LEPR: variants seen among roughly 807,000 people sequenced by gnomAD.
LEPR encodes the protein leptin receptor, also known as OB receptor.
A neutral mutation model predicts 114.7 loss-of-function variants in LEPR; 56 were observed. The observed-to-expected ratio is 0.49, with a 90% confidence interval of 0.39 to 0.61. The LOEUF (loss-of-function observed/expected upper bound fraction) is 0.61. Among genes scored for constraint, LEPR ranks in the 20% least tolerant of loss-of-function variants. The pLI, the probability that LEPR is intolerant of heterozygous loss-of-function variation, is 0.00. For missense variants in LEPR, 1,202 were observed against 1,352.9 expected (o/e 0.89, Z 1.75); for synonymous variants, 443 against 461.4 (o/e 0.96, Z 0.51).
At position 65,610,648 on chromosome 1, in the gene LEPR, C is replaced by T. The variant is rs2100970790; in HGVS notation, c.1995+352C>T. On this transcript the variant is annotated intron_variant, in intron 14 of 19. Transcript: ENST00000349533. ...TCTAAAAATTGTATTCATATTTAAT[C>T]CTGAACAATGTAAATGTCACCTTCC... Among the ~76,000 whole-genome samples, 3 of 152,250 alleles carry T rather than the reference C, an allele frequency of 2.0e-5. No individual in the cohort carries two copies. In the Middle Eastern group the frequency reaches 0.01, roughly 518 times the overall value.
intron 1 of LEPR, among the ~76,000 whole-genome samples, chr1:65,422,744 A>G (rs1392222588): frequency 2.0e-5 from 3 of 152,234 alleles, no homozygotes; most frequent in Admixed American, 1.3e-4. Flanking sequence ...CTTAAGCTAC[A>G]TTAGTAAGAC....
chr1:65,476,041 C>T (rs1247142634), intron 2 of LEPR, among the ~76,000 whole-genome samples: 2 of 150,998 alleles, frequency 1.3e-5, no homozygotes, highest in East Asian at 3.9e-4. Flanking sequence ...AAAAAACCCC[C>T]CAAATTAAAA....
chr1:65,515,429 T>C (rs1357850488), intron 2 of LEPR, among the ~76,000 whole-genome samples: 1 of 152,194 alleles, frequency 6.6e-6, no homozygotes, highest in African/African-American at 2.4e-5. Flanking sequence ...GACAAAACCA[T>C]TTTTTGTGTA....
At chr1:65,629,259 G>A in intron 19 of LEPR, 1 of 325,722 alleles carries the variant, frequency 3.1e-6, no homozygotes, top group South Asian at 2.5e-5. Flanking sequence ...AAAAACATTA[G>A]CACTCTTACG....
At chr1:65,634,176 A>G (rs1658629527) in intron 19 of LEPR, 1 of 984,856 alleles carries the variant, frequency 1.0e-6, no homozygotes, top group African/African-American at 1.7e-5. Context: ...CAAACCAACG[A>G]CTATGTTTAA....
At chr1:65,527,451 A>C (rs1316703847) in intron 2 of LEPR, among the ~76,000 whole-genome samples, 3 of 152,182 alleles carry the variant, frequency 2.0e-5, no homozygotes, top group South Asian at 4.1e-4. Context: ...TTTCTTTTTG[A>C]TTAGAAGAAA....
At chr1:65,477,849 G>A (rs1647176330) in intron 2 of LEPR, among the ~76,000 whole-genome samples, 1 of 152,202 alleles carries the variant, frequency 6.6e-6, no homozygotes, top group African/African-American at 2.4e-5. Context: ...AACTTTTAAA[G>A]AGCAGAGTAC....
At chr1:65,457,847 C>T (rs1646896749) in intron 2 of LEPR, among the ~76,000 whole-genome samples, 1 of 152,156 alleles carries the variant, frequency 6.6e-6, no homozygotes, top group Admixed American at 6.5e-5. Flanking sequence ...GCAAACTACT[C>T]ATGTAATTTC....
At chr1:65,464,476 C>G (rs1038485615) in intron 2 of LEPR, among the ~76,000 whole-genome samples, 4 of 152,120 alleles carry the variant, frequency 2.6e-5, no homozygotes, top group Non-Finnish European at 5.9e-5. Flanking sequence ...GGATATTGGC[C>G]TAAAATTCTC....
intron 3 of LEPR, among the ~76,000 whole-genome samples, chr1:65,568,511 T>TGTGTGTGTGTGTGC (rs1653928368): frequency 6.6e-6 from 1 of 151,862 alleles, no homozygotes. Context: ...AGTGTGTGTG[T>TGTGTGTGTGTGTGC]GTGTGTGTGT....
In LEPR at chr1:65,534,388, T is replaced by A. The variant is rs545409766; in HGVS notation, c.-20-31158T>A. Among the ~76,000 whole-genome samples the A allele has an allele frequency of 1.9e-4, 29 of 152,266 alleles. No individual in the cohort carries two copies. The East Asian group carries it at 5.0e-3, about 26-fold the overall frequency. Reference sequence around the variant, plus strand: ...ACAGAGGCCTTAGCTTACTTTAACTTCATTTAATACTCTCTTGCCATATAT... The same window carrying A: ...ACAGAGGCCTTAGCTTACTTTAACTACATTTAATACTCTCTTGCCATATAT... On this transcript the variant is annotated intron_variant, in intron 2 of 19. Transcript: ENST00000349533.
At chr1:65,598,095 C>CTTTTTTTTTT (rs1226626771) in intron 7 of LEPR, among the ~76,000 whole-genome samples, 16 of 101,482 alleles carry the variant, frequency 1.6e-4, no homozygotes, top group African/African-American at 2.2e-4. Context: ...CCTCCTGCCT[C>CTTTTTTTTTT]TTTTTTTTTT....
chr1:65,579,847 T>A (rs867097356), intron 5 of LEPR, among the ~76,000 whole-genome samples: 3 of 152,302 alleles, frequency 2.0e-5, no homozygotes, highest in Middle Eastern at 6.8e-3. Flanking sequence ...GCATTATAAA[T>A]TTGAATAGTT....
rs1436487050 is a variant in LEPR at position 65,611,007 on chromosome 1, T to C, written c.1995+711T>C. On this transcript the variant is annotated intron_variant, in intron 14 of 19. Coordinates refer to ENST00000349533, the MANE Select transcript of LEPR (RefSeq NM_002303.6). Reference sequence around the variant, plus strand: ...AAGCCTCTGTAAAAGTTGTGGTATATAAGAATTTATGTTCATTTGGTTTCT... The same window carrying C: ...AAGCCTCTGTAAAAGTTGTGGTATACAAGAATTTATGTTCATTTGGTTTCT... Among the ~76,000 whole-genome samples the C allele has an allele frequency of 2.0e-5, 3 of 152,236 alleles. No homozygotes were observed. The East Asian group carries it at 5.8e-4, about 29-fold the overall frequency.
Position 65,467,867 on chromosome 1 carries a change from G to A in LEPR, c.-21+42489G>A, listed in dbSNP as rs531553111. ...AGCCAGGCACAGGAGGGAATCTCCT[G>A]GTCTACTGGTTGCTAAGACTGTGGG... On this transcript the variant is annotated intron_variant, in intron 2 of 19. Transcript: ENST00000349533. Among the ~76,000 whole-genome samples the A allele has an allele frequency of 3.9e-5, 6 of 152,358 alleles. No homozygotes were observed. In the East Asian group the frequency reaches 1.2e-3, roughly 29 times the overall value.
intron 2 of LEPR, among the ~76,000 whole-genome samples, chr1:65,510,965 A>G (rs1648998839): frequency 6.6e-6 from 1 of 152,188 alleles, no homozygotes; most frequent in African/African-American, 2.4e-5. Context: ...GGAGCAATAG[A>G]CACTCCCACT....
At chr1:65,621,489 G>T (rs768349218) in intron 18 of LEPR, 31 bp downstream of exon 18, 1 of 1,579,808 alleles carries the variant, frequency 6.3e-7, no homozygotes, top group African/African-American at 1.3e-5. Flanking sequence ...AATCTTTACG[G>T]CAAAAGTCCT....
chr1:65,607,669 TTCA>T (rs1166993208), intron 11 of LEPR, among the ~76,000 whole-genome samples: 1 of 152,232 alleles, frequency 6.6e-6, no homozygotes, highest in African/African-American at 2.4e-5. Context: ...GAGTTAGGGC[TTCA>T]GAGACGCACT....
In LEPR at chr1:65,617,988, C is replaced by T; in HGVS notation, c.2237C>T (p.Ala746Val). The T allele has an allele frequency of 6.2e-7, 1 of 1,612,552 alleles. No individual in the cohort carries two copies. Among genetic ancestry groups the T allele is most frequent in the Non-Finnish European group, 8.5e-7 (1 of 1,179,378 alleles). Residue 746 changes from alanine (A) to valine (V), a missense_variant, in exon 16 of 20, where the codon GCT (alanine) becomes GTT (valine). Coordinates refer to ENST00000349533, the MANE Select transcript of LEPR (RefSeq NM_002303.6). ...SKVNIVQSLS[A>V]YPLNSSCVIV... ...GTAAATATCGTGCAGTCACTCAGTG[C>T]TTATCCTTTAAACAGCAGTTGTGTG...
Sources: allele counts gnomAD v4.1 joint callset (sites outside exome capture counted in the v4.1 genomes callset), GRCh38; gene constraint gnomAD v4.1.1; transcripts MANE v1.5; gene names NCBI Gene and HGNC (gene_info 2026-07-23, HGNC 2026-07-21).